Variants in GNAO1 observed in about 807,000 individuals in gnomAD.
GNAO1 encodes the protein G protein subunit alpha o1.
For missense variants in GNAO1, 166 were observed against 478.7 expected, an observed-to-expected ratio of 0.35 and a Z score of 6.10; for synonymous variants, 164 against 180.7, an observed-to-expected ratio of 0.91 and a Z score of 0.74.
chr16:56,328,889 C>T lies in GNAO1; in HGVS notation c.464+98C>T, dbSNP rs564270274. The T allele has an allele frequency of 2.1e-4, 261 of 1,266,724 alleles. No individual in the cohort carries two copies. In the East Asian group the frequency reaches 6.1e-3, roughly 30 times the overall value. 78.5% of individuals were successfully genotyped at this position (1,266,724 alleles called of 1,614,324 possible). ...TTGGCAGAGCAAGGAGGATTCTCGG[C>T]TGAGGTCACGCCTGCCGGGAGATGT... On this transcript the variant is annotated intron_variant, in intron 4 of 8. Transcript: ENST00000262493.
chr16:56,262,388 A>T (rs1231346452), intron 2 of GNAO1, among the ~76,000 whole-genome samples: 1 of 152,208 alleles, frequency 6.6e-6, no homozygotes, highest in Non-Finnish European at 1.5e-5. Context: ...TGTCTTAGGT[A>T]ACCTGGGTTT....
chr16:56,207,694 C>G (rs1162823422), intron 2 of GNAO1, among the ~76,000 whole-genome samples: 2 of 152,168 alleles, frequency 1.3e-5, no homozygotes, highest in Non-Finnish European at 2.9e-5. Flanking sequence ...AAAATAGGCT[C>G]CACCTCTGCC....
chr16:56,322,372 A>G (rs748797718), intron 3 of GNAO1, among the ~76,000 whole-genome samples: 8 of 152,180 alleles, frequency 5.3e-5, no homozygotes, highest in Non-Finnish European at 1.0e-4. Context: ...ATGGTGCTAG[A>G]AAATACCCAC....
rs1226109423 is a variant in GNAO1 at position 56,349,756 on chromosome 16, T to A, written c.724-1628T>A. 1.3e-5 allele frequency among the ~76,000 whole-genome samples: 2 copies of A among 152,138 alleles called. 1 individual carries two copies. Among genetic ancestry groups the A allele is most frequent in the South Asian group, 4.1e-4 (2 of 4,820 alleles). ...GCCCCTGAGAGGCAGCTGAGAACGC[T>A]GCCCTCCGCCGACCAACTTCAGCTA... On this transcript the variant is annotated intron_variant, in intron 6 of 8. Coordinates refer to ENST00000262493, the MANE Select transcript of GNAO1 (RefSeq NM_020988.3).
chr16:56,214,387 G>A (rs747154310), intron 2 of GNAO1, among the ~76,000 whole-genome samples: 4 of 152,146 alleles, frequency 2.6e-5, no homozygotes, highest in Non-Finnish European at 4.4e-5. Flanking sequence ...TGGGGTCTAG[G>A]GGCAGACACC....
intron 3 of GNAO1, among the ~76,000 whole-genome samples, chr16:56,297,339 G>C (rs756259744): frequency 6.6e-6 from 1 of 151,896 alleles, no homozygotes; most frequent in South Asian, 2.1e-4. Flanking sequence ...CTTGACCCCC[G>C]GTTGCAGACA....
At chr16:56,230,176 G>A (rs374170433) in intron 2 of GNAO1, among the ~76,000 whole-genome samples, 3 of 152,156 alleles carry the variant, frequency 2.0e-5, no homozygotes, top group East Asian at 1.9e-4. Context: ...TGCGGGAGTG[G>A]CATGCTTCTG....
intron 3 of GNAO1, among the ~76,000 whole-genome samples, chr16:56,297,500 T>C (rs1349641071): frequency 6.7e-6 from 1 of 150,048 alleles, no homozygotes; most frequent in Non-Finnish European, 1.5e-5. Context: ...ACATGGACAC[T>C]GCGCACCTGT....
intron 6 of GNAO1, chr16:56,340,792 T>G: frequency 6.3e-7 from 1 of 1,597,202 alleles, no homozygotes. Flanking sequence ...GTCAGGGCCC[T>G]GGATGCTGCC....
At chr16:56,197,365 C>T (rs556217162) in intron 2 of GNAO1, among the ~76,000 whole-genome samples, 4 of 152,342 alleles carry the variant, frequency 2.6e-5, no homozygotes, top group African/African-American at 9.6e-5. Context: ...TCTCTGGAGA[C>T]AGCAAGAGTG....
At chr16:56,260,796 G>A (rs1395614475) in intron 2 of GNAO1, among the ~76,000 whole-genome samples, 4 of 152,210 alleles carry the variant, frequency 2.6e-5, no homozygotes, top group African/African-American at 9.6e-5. Context: ...GAGCCGCGGC[G>A]GGGCTATTTA....
chr16:56,295,711 T>C (rs1472489726), intron 3 of GNAO1, among the ~76,000 whole-genome samples: 2 of 152,228 alleles, frequency 1.3e-5, no homozygotes, highest in Non-Finnish European at 2.9e-5. Context: ...TGAGGCAGCC[T>C]TCCCTCTTCC....
chr16:56,267,488 C>T (rs1459847945), intron 2 of GNAO1, among the ~76,000 whole-genome samples: 2 of 152,138 alleles, frequency 1.3e-5, no homozygotes, highest in African/African-American at 4.8e-5. Flanking sequence ...ACAAGGGGGG[C>T]TCTGGGAGGT....
At chr16:56,291,374 C>G (rs2037230633) in intron 3 of GNAO1, among the ~76,000 whole-genome samples, 1 of 152,160 alleles carries the variant, frequency 6.6e-6, no homozygotes, top group Non-Finnish European at 1.5e-5. Flanking sequence ...TATTGAGCAT[C>G]TTTTCATGTG....
chr16:56,233,195 G>GTA (rs2036606878), intron 2 of GNAO1, among the ~76,000 whole-genome samples: 4 of 152,210 alleles, frequency 2.6e-5, no homozygotes, highest in Admixed American at 2.6e-4. Context: ...ATTTAGAATG[G>GTA]GGTCCGATAC....
intron 3 of GNAO1, among the ~76,000 whole-genome samples, chr16:56,292,981 C>T (rs1183644469): frequency 6.6e-6 from 1 of 152,178 alleles, no homozygotes. Flanking sequence ...GTTGCCCTGT[C>T]CCACGTAGGC....
intron 2 of GNAO1, among the ~76,000 whole-genome samples, chr16:56,262,973 C>A (rs2036917613): frequency 6.6e-6 from 1 of 152,168 alleles, no homozygotes; most frequent in Non-Finnish European, 1.5e-5. Context: ...TTTGGATTTT[C>A]CTGGAAATAA....
In GNAO1 at chr16:56,351,743, C is replaced by A; in HGVS notation, c.877+206C>A. On this transcript the variant is annotated intron_variant, in intron 7 of 8. Transcript: ENST00000262493. The surrounding 1 kb of genome is among the most constrained non-coding windows in gnomAD (Gnocchi z 6.1). ...ACAGCCCTCAGCGTGGTGGAAATGG[C>A]CCCTCCTAAGATATATGTGTTAGGA... 1 of 566,382 alleles carries A rather than the reference C, an allele frequency of 1.8e-6. No homozygotes were observed. The highest frequency in any genetic ancestry group is 2.1e-5 in the South Asian group (1 of 48,148). The allele number at this position is 566,382 out of a possible 1,614,324, so 35.1% of individuals were successfully genotyped here. A position where few individuals can be genotyped will look rare whatever the true frequency, so the allele number is the denominator to read the frequency against.
intron 3 of GNAO1, among the ~76,000 whole-genome samples, chr16:56,281,391 C>G (rs60059063): frequency 1.2e-3 from 188 of 152,298 alleles, no homozygotes; most frequent in African/African-American, 4.3e-3. Flanking sequence ...GCCTTACCCC[C>G]CTGGGTTCTC....
Sources: gnomAD v4.1 joint callset for allele counts (sites outside exome capture counted in the v4.1 genomes callset) on GRCh38, gnomAD v4.1.1 for gene constraint, Gnocchi (gnomAD v3.1) non-coding constraint, MANE v1.5 for transcripts, NCBI Gene and HGNC (gene_info 2026-07-23, HGNC 2026-07-21) for gene names.